Variants in EML6 observed in about 807,000 individuals in gnomAD.
The protein encoded by EML6 is echinoderm microtubule-associated protein-like 6.
Under a neutral mutation model 240.1 loss-of-function variants are expected in EML6, and 154 were observed. The ratio of observed to expected loss-of-function variants is 0.64; its 90% CI spans 0.56 to 0.73. EML6 has a LOEUF of 0.73. Ranked by LOEUF, EML6 falls within the 30% of genes least tolerant of loss-of-function variation. EML6 has a pLI of 0.00. For synonymous variants in EML6, 1,148 were observed against 899.0 expected (o/e 1.28, Z -4.95); for missense variants, 2,964 against 2,474.6 (o/e 1.20, Z -4.20).
intron 19 of EML6, among the ~76,000 whole-genome samples, chr2:54,893,685 G>T (rs1342020109): frequency 3.3e-5 from 5 of 152,122 alleles, no homozygotes; most frequent in Admixed American, 2.0e-4. Context: ...CACTTCATCT[G>T]TGCCCTCTGA....
intron 16 of EML6, among the ~76,000 whole-genome samples, chr2:54,874,905 G>A (rs183023567): frequency 1.4e-4 from 21 of 152,286 alleles, no homozygotes; most frequent in Admixed American, 1.0e-3. Flanking sequence ...AACAGTGGCC[G>A]ATCCAAAGGC....
chr2:54,815,476 A>T (rs1022592520), intron 3 of EML6, among the ~76,000 whole-genome samples: 1 of 152,208 alleles, frequency 6.6e-6, no homozygotes, highest in African/African-American at 2.4e-5. Flanking sequence ...AGATGAACAA[A>T]ATAGGTTTCT....
intron 7 of EML6, 150 bp from the exon 8 acceptor site, chr2:54,843,897 C>A: frequency 1.5e-6 from 1 of 649,028 alleles, no homozygotes; most frequent in Non-Finnish European, 2.7e-6. Flanking sequence ...GATTCTCTGC[C>A]TCCAAGAGTC....
rs142001188 is a variant in EML6, at chr2:54,959,618, C to T, written c.4853+357C>T. Among the ~76,000 whole-genome samples, 347 of 152,040 alleles carry T rather than the reference C, an allele frequency of 2.3e-3. 3 individuals are homozygous for T. Among genetic ancestry groups the T allele is most frequent in the East Asian group, 5.2e-3 (27 of 5,164 alleles). ...CTCTACTGAAAATACAAAATTTGGC[C>T]GGGCATGGTGGTGGGCGCCTGTAAT... On this transcript the variant is annotated intron_variant, in intron 34 of 41. Transcript: ENST00000356458.
intron 29 of EML6, among the ~76,000 whole-genome samples, chr2:54,949,435 C>T (rs1175314416): frequency 6.6e-6 from 1 of 152,146 alleles, no homozygotes; most frequent in Non-Finnish European, 1.5e-5. Context: ...TCCATTTTCC[C>T]GACGAGGACG....
rs992790357 is a variant in EML6 at position 54,895,295 on chromosome 2, T to C, written c.2877T>C (p.Pro959=). 14 of 1,551,586 alleles carry C rather than the reference T, an allele frequency of 9.0e-6. No homozygotes were observed. The Admixed American group carries it at 1.2e-4, about 13-fold the overall frequency. ...SSKGLLLEDN[P]SIRAITLGHG... is the part of the protein sequence containing the mutation. Reference sequence around the variant, plus strand: ...CAGGCTTGCTTTTGGAAGATAACCCTTCAATTCGTGCCATCACTTTGGGAC... The same window carrying C: ...CAGGCTTGCTTTTGGAAGATAACCCCTCAATTCGTGCCATCACTTTGGGAC... Residue 959 remains proline (P), a synonymous_variant, in exon 21 of 42, where the codon CCT becomes CCC. Transcript: ENST00000356458.
intron 7 of EML6, among the ~76,000 whole-genome samples, chr2:54,837,887 C>T (rs1384364228): frequency 6.6e-6 from 1 of 152,158 alleles, no homozygotes; most frequent in Non-Finnish European, 1.5e-5. Context: ...TGGGAACAAC[C>T]ATGCCTGGCC....
rs568881306 is a variant in EML6, at chr2:54,730,331, C to T, written c.197+5073C>T. Among the ~76,000 whole-genome samples, 3 of 152,184 alleles carry T rather than the reference C, an allele frequency of 2.0e-5. No homozygotes were observed. The South Asian group carries it at 6.2e-4, about 32-fold the overall frequency. The stretch of plus-strand genomic sequence containing the variant: ...GATTTGAAGAGACAGGTCTAACAGC[C>T]ATGATTGGGCCTGGAGTGTCAGGTA... On this transcript the variant is annotated intron_variant, in intron 2 of 41. Transcript: ENST00000356458.
At chr2:54,960,092 G>C (rs975807734) in intron 34 of EML6, 128 bp from the exon 35 acceptor site, 1 of 687,634 alleles carries the variant, frequency 1.5e-6, no homozygotes. Context: ...CTGGACCCTG[G>C]AGGGTCTTTC....
At chr2:54,937,932 AC>A (rs1255633905) in intron 28 of EML6, among the ~76,000 whole-genome samples, 1 of 152,208 alleles carries the variant, frequency 6.6e-6, no homozygotes, top group East Asian at 1.9e-4. Flanking sequence ...ATTTCCTCTT[AC>A]GTATAAAACC....
chr2:54,885,696 C>A (rs1416703024), intron 17 of EML6, among the ~76,000 whole-genome samples: 1 of 152,112 alleles, frequency 6.6e-6, no homozygotes, highest in African/African-American at 2.4e-5. Context: ...ACTGCAAGCT[C>A]CACCTCCCAG....
chr2:54,810,986 G>A (rs112621909), intron 2 of EML6, among the ~76,000 whole-genome samples: 41 of 152,202 alleles, frequency 2.7e-4, no homozygotes, highest in African/African-American at 9.6e-4. Flanking sequence ...CTTGTTGCCC[G>A]CACAAAATCT....
chr2:54,842,191 G>C (rs1289125831), intron 7 of EML6, among the ~76,000 whole-genome samples: 2 of 152,268 alleles, frequency 1.3e-5, no homozygotes, highest in African/African-American at 4.8e-5. Context: ...CTACAGGATA[G>C]TTTCACTGCC....
chr2:54,851,214 A>T (rs990520134), intron 10 of EML6, among the ~76,000 whole-genome samples: 3 of 151,988 alleles, frequency 2.0e-5, no homozygotes, highest in Admixed American at 2.0e-4. Context: ...TTCGAAATCA[A>T]CCTGGCCAAC....
In EML6 at chr2:54,959,257, A is replaced by C. The variant is rs17346629; in HGVS notation, c.4849A>C (p.Arg1617=). 1,017,847 of 1,527,310 alleles carry C rather than the reference A, an allele frequency of 0.67. 348,760 individuals are homozygous for C. Among genetic ancestry groups the C allele is most frequent in the Non-Finnish European group, 0.71 (803,345 of 1,134,276 alleles). The allele number at this position is 1,527,310 out of a possible 1,614,324, so 94.6% of individuals were successfully genotyped here. Residue 1617 remains arginine, a synonymous_variant, in exon 34 of 42, where the codon AGG becomes CGG. Transcript: ENST00000356458. Reference sequence around the variant, plus strand: ...ACTCATAGTGACCGGCGGAAAAGAGAGGCCGTAAGCCAAAGCTCCTATGGA... The same window carrying C: ...ACTCATAGTGACCGGCGGAAAAGAGCGGCCGTAAGCCAAAGCTCCTATGGA... ...DGLIVTGGKE[R]PTKEGGAVKL... is the part of the protein sequence containing the mutation.
In EML6 at chr2:54,948,888, C is replaced by G; in HGVS notation, c.4011C>G (p.Pro1337=). 1.3e-6 allele frequency: 2 copies of G among 1,551,280 alleles called. No homozygotes were observed. Among genetic ancestry groups the G allele is most frequent in the Non-Finnish European group, 8.7e-7 (1 of 1,146,814 alleles). The change falls in exon 29 of 42, where the codon CCC becomes CCG. Residue 1337 remains proline, a synonymous_variant. Transcript: ENST00000356458. The part of the protein sequence containing the change: ...LKEVSVEERP[P]VSRAAPQPEK... The stretch of plus-strand genomic sequence containing the variant: ...TGGCCGCTCTCTCTTCCAGACCACC[C>G]GTTAGCCGAGCAGCTCCCCAGCCTG...
At position 54,939,821 on chromosome 2, in the gene EML6, C is replaced by G. The variant is rs548484794; in HGVS notation, c.4005-9061C>G. 5.9e-5 allele frequency among the ~76,000 whole-genome samples: 9 copies of G among 152,344 alleles called. No individual in the cohort carries two copies. The South Asian group carries it at 8.3e-4, about 14-fold the overall frequency. On this transcript the variant is annotated intron_variant, in intron 28 of 41. Transcript: ENST00000356458. The stretch of plus-strand genomic sequence containing the variant: ...CAAGTGGAATTCCTCTCCCAATTCT[C>G]TGTGAAGAGAGGGGAAAGGAACCAT...
chr2:54,913,951 G>A (rs182759878), intron 25 of EML6, among the ~76,000 whole-genome samples: 72 of 152,212 alleles, frequency 4.7e-4, no homozygotes, highest in East Asian at 9.6e-4. Context: ...TGACTGTGTC[G>A]AAGATCAGCT....
intron 17 of EML6, among the ~76,000 whole-genome samples, chr2:54,887,849 T>A (rs1197926872): frequency 6.6e-6 from 1 of 152,146 alleles, no homozygotes; most frequent in African/African-American, 2.4e-5. Flanking sequence ...ATGCACAGCC[T>A]CCCCTACTAT....
Sources: allele counts gnomAD v4.1 joint callset (sites outside exome capture counted in the v4.1 genomes callset), GRCh38; gene constraint gnomAD v4.1.1; transcripts MANE v1.5; gene names NCBI Gene and HGNC (gene_info 2026-07-23, HGNC 2026-07-21).